The following ANO2 variants were observed in gnomAD, a reference collection of about 807,000 sequenced individuals.
The protein encoded by ANO2 is anoctamin 2.
A neutral mutation model predicts 124.2 loss-of-function variants in ANO2; 101 were observed. The observed-to-expected ratio is 0.81, with a 90% CI of 0.69 to 0.96. ANO2 has a LOEUF of 0.96. Among genes scored for constraint, ANO2 ranks in the 40% least tolerant of loss-of-function variants. ANO2 has a pLI of 0.00. For missense variants in ANO2, 1,293 were observed against 1,274.5 expected, an observed-to-expected ratio of 1.01 and a Z score of -0.22; for synonymous variants, 486 against 482.5, an observed-to-expected ratio of 1.01 and a Z score of -0.09.
At chr12:5,906,230 G>A (rs1940673596) in intron 3 of ANO2, among the ~76,000 whole-genome samples, 1 of 151,814 alleles carries the variant, frequency 6.6e-6, no homozygotes, top group Non-Finnish European at 1.5e-5. Context: ...CAAGCTCCTG[G>A]GCATCTCTGC....
chr12:5,670,088 G>C (rs1467157964), intron 14 of ANO2, among the ~76,000 whole-genome samples: 1 of 152,128 alleles, frequency 6.6e-6, no homozygotes, highest in Non-Finnish European at 1.5e-5. Flanking sequence ...ATACCGCCAA[G>C]AGCACACGTG....
intron 7 of ANO2, among the ~76,000 whole-genome samples, chr12:5,808,532 G>C (rs576662904): frequency 1.7e-4 from 26 of 152,144 alleles, no homozygotes; most frequent in Middle Eastern, 3.4e-3. Context: ...GGAGGGGGAG[G>C]AGAGGGGGAA....
chr12:5,933,348 C>A (rs1340412488), intron 1 of ANO2, among the ~76,000 whole-genome samples: 4 of 152,156 alleles, frequency 2.6e-5, no homozygotes, highest in African/African-American at 9.7e-5. Context: ...CATACAACCA[C>A]CCCAAATTCC....
At chr12:5,766,288 T>C (rs1951886345) in intron 10 of ANO2, among the ~76,000 whole-genome samples, 1 of 152,166 alleles carries the variant, frequency 6.6e-6, no homozygotes, top group African/African-American at 2.4e-5. Context: ...CAGCCTCAAC[T>C]GGAAGCTGCC....
chr12:5,612,933 C>T lies in ANO2; in HGVS notation c.1954G>A (p.Val652Ile), dbSNP rs755546576. The T allele has an allele frequency of 4.4e-5, 71 of 1,613,768 alleles. No individual in the cohort carries two copies. Among genetic ancestry groups the T allele is most frequent in the Non-Finnish European group, 5.2e-5 (61 of 1,179,868 alleles). Residue 652 changes from valine (V) to isoleucine (I), a missense_variant, in exon 18 of 25, where the codon GTC becomes ATC. Coordinates refer to ENST00000682330, the MANE Select transcript of ANO2 (RefSeq NM_001364791.2). ...GRFVGRPGSY[V>I]YVFDGYRMEE... ...ATGCGGTAACCATCGAATACATAGACGTAGCTTCCAGGCCTGCCCACAAAC... is the reference window on the plus strand; with the variant it reads ...ATGCGGTAACCATCGAATACATAGATGTAGCTTCCAGGCCTGCCCACAAAC...
At chr12:5,716,857 T>A (rs1183317544) in intron 14 of ANO2, among the ~76,000 whole-genome samples, 1 of 152,156 alleles carries the variant, frequency 6.6e-6, no homozygotes, top group African/African-American at 2.4e-5. Context: ...TCCAAGCTTA[T>A]GTAAAATATC....
At chr12:5,747,906 T>G (rs916805667) in intron 11 of ANO2, among the ~76,000 whole-genome samples, 15 of 152,240 alleles carry the variant, frequency 9.9e-5, no homozygotes, top group African/African-American at 3.4e-4. Flanking sequence ...CAGTAACGAC[T>G]GCATTTTACA....
rs545152494 is a variant in ANO2 at position 5,577,988 on chromosome 12, G to A, written c.2406C>T (p.Leu802=). ...TAACAGAGAACTTGCCAATTCCAGA[G>A]AGAATGTCAAACCAGATTCCTACAA... ...TKDIGIWFDI[L]SGIGKFSVIS... is the part of the protein sequence containing the mutation. Residue 802 remains leucine (L), a synonymous_variant, in exon 22 of 25, where the codon CTC becomes CTT. Coordinates refer to ENST00000682330, the MANE Select transcript of ANO2 (RefSeq NM_001364791.2). 6.2e-7 allele frequency: 1 copy of A among 1,613,906 alleles called. No individual in the cohort carries two copies. Among genetic ancestry groups the A allele is most frequent in the Non-Finnish European group, 8.5e-7 (1 of 1,179,836 alleles).
chr12:5,860,866 T>C (rs1955247114), intron 3 of ANO2, among the ~76,000 whole-genome samples: 1 of 152,168 alleles, frequency 6.6e-6, no homozygotes, highest in Non-Finnish European at 1.5e-5. Flanking sequence ...CAGAAACTTT[T>C]CTGCCTCATA....
At chr12:5,803,614 G>A (rs1485505828) in intron 9 of ANO2, among the ~76,000 whole-genome samples, 1 of 152,102 alleles carries the variant, frequency 6.6e-6, no homozygotes, top group African/African-American at 2.4e-5. Flanking sequence ...CAGGACACTA[G>A]GCAGCTTTGG....
chr12:5,825,850 G>A (rs911702931), intron 7 of ANO2, among the ~76,000 whole-genome samples: 1 of 152,158 alleles, frequency 6.6e-6, no homozygotes, highest in African/African-American at 2.4e-5. Flanking sequence ...AGACCCCTCA[G>A]GAATGGTTTG....
chr12:5,945,973 G>A (rs1168386246), upstream of ANO2, among the ~76,000 whole-genome samples: 7 of 152,232 alleles, frequency 4.6e-5, no homozygotes, highest in Non-Finnish European at 5.9e-5. Flanking sequence ...CCATCTCCCC[G>A]GGACAGTTCA....
chr12:5,839,731 A>C (rs1296231888), intron 4 of ANO2: 1 of 425,166 alleles, frequency 2.4e-6, no homozygotes, highest in Non-Finnish European at 4.8e-6. Context: ...GCATCATTTC[A>C]TCCACGGTCC....
At chr12:5,710,905 T>C (rs1949788187) in intron 14 of ANO2, among the ~76,000 whole-genome samples, 1 of 152,164 alleles carries the variant, frequency 6.6e-6, no homozygotes, top group Non-Finnish European at 1.5e-5. Flanking sequence ...CTCACACCTG[T>C]AATCCCAGCA....
intron 1 of ANO2, among the ~76,000 whole-genome samples, chr12:5,933,214 A>T: frequency 6.6e-6 from 1 of 151,862 alleles, no homozygotes; most frequent in East Asian, 1.9e-4. Context: ...CCTGCTAGTG[A>T]CTCTCCTCTT....
chr12:5,928,589 T>C (rs1282349521), intron 1 of ANO2, among the ~76,000 whole-genome samples: 3 of 150,164 alleles, frequency 2.0e-5, no homozygotes, highest in Non-Finnish European at 4.5e-5. Flanking sequence ...CCTTCCTTAC[T>C]AGTCTATCTT....
At chr12:5,946,095 C>G, upstream of ANO2, 1 of 1,592,124 alleles carries the variant, frequency 6.3e-7, no homozygotes, top group Non-Finnish European at 8.6e-7. This position sits in a 1 kb window ranked among gnomAD's most constrained non-coding sequence, Gnocchi z 4.1. Flanking sequence ...TACCATGGAC[C>G]CCCAAAATGA....
chr12:5,735,625 G>A (rs925672476), intron 13 of ANO2, among the ~76,000 whole-genome samples: 4 of 152,222 alleles, frequency 2.6e-5, no homozygotes, highest in Non-Finnish European at 4.4e-5. Flanking sequence ...TTCAGATTGG[G>A]GAGTTGGGGG....
chr12:5,622,969 A>C (rs1231257362), intron 16 of ANO2, among the ~76,000 whole-genome samples: 3 of 151,740 alleles, frequency 2.0e-5, no homozygotes, highest in Non-Finnish European at 2.9e-5. Context: ...GTCTCAAAAA[A>C]AAAAAAAAAA....
Sources: gnomAD v4.1 joint callset for allele counts (sites outside exome capture counted in the v4.1 genomes callset) on GRCh38, gnomAD v4.1.1 for gene constraint, Gnocchi (gnomAD v3.1) non-coding constraint, MANE v1.5 for transcripts, NCBI Gene and HGNC (gene_info 2026-07-23, HGNC 2026-07-21) for gene names.